Variants in KATNIP observed in about 807,000 individuals in gnomAD.
KATNIP encodes the protein katanin-interacting protein.
In KATNIP, 126 loss-of-function variants were observed where a neutral mutation model predicts 174.0. That is an observed-to-expected ratio of 0.72 (90% CI 0.63 to 0.84). The LOEUF (loss-of-function observed/expected upper bound fraction) is 0.84. Ranked by LOEUF, KATNIP falls within the 40% of genes least tolerant of loss-of-function variation. KATNIP has a pLI of 0.00. For synonymous variants in KATNIP, 810 were observed against 835.7 expected, an observed-to-expected ratio of 0.97 and a Z score of 0.53; for missense variants, 1,958 against 2,109.7, an observed-to-expected ratio of 0.93 and a Z score of 1.41.
At chr16:27,702,157 T>A (rs1163364508) in intron 11 of KATNIP, among the ~76,000 whole-genome samples, 1 of 152,200 alleles carries the variant, frequency 6.6e-6, no homozygotes, top group African/African-American at 2.4e-5. Flanking sequence ...TTGACTTGAT[T>A]TCTTTTAGGC....
intron 18 of KATNIP, chr16:27,755,483 G>C (rs2081686811): frequency 6.6e-6 from 1 of 152,322 alleles, no homozygotes; most frequent in Non-Finnish European, 1.5e-5. Flanking sequence ...CCACTTCAAG[G>C]CCTCAGCCTG....
intron 5 of KATNIP, among the ~76,000 whole-genome samples, chr16:27,635,703 C>T (rs2076613908): frequency 6.6e-6 from 1 of 152,036 alleles, no homozygotes; most frequent in African/African-American, 2.4e-5. Context: ...TGACACCTGA[C>T]TTCAAATACA....
intron 7 of KATNIP, among the ~76,000 whole-genome samples, chr16:27,678,568 A>G (rs2078209715): frequency 6.6e-6 from 1 of 152,196 alleles, no homozygotes; most frequent in Admixed American, 6.5e-5. Context: ...TAAATAAGAC[A>G]CTGACTTTGC....
At chr16:27,656,584 A>G (rs1370195094) in intron 6 of KATNIP, among the ~76,000 whole-genome samples, 1 of 151,670 alleles carries the variant, frequency 6.6e-6, no homozygotes, top group Non-Finnish European at 1.5e-5. Context: ...TGTGGCACAT[A>G]TACACCATGG....
intron 2 of KATNIP, among the ~76,000 whole-genome samples, chr16:27,603,776 G>A (rs772569535): frequency 6.3e-5 from 9 of 143,668 alleles, no homozygotes; most frequent in African/African-American, 1.0e-4. Flanking sequence ...TCCCTCTGTC[G>A]CCTAGGCTGG....
intron 20 of KATNIP, among the ~76,000 whole-genome samples, 176 bp downstream of exon 20, chr16:27,766,650 G>C (rs2082136191): frequency 6.6e-6 from 1 of 152,216 alleles, no homozygotes; most frequent in East Asian, 1.9e-4. Flanking sequence ...AATGGCAAAT[G>C]CAGGCTAAAG....
Position 27,749,591 on chromosome 16 carries a change from C to G in KATNIP, c.2631C>G (p.Thr877=), listed in dbSNP as rs778415617. The G allele has an allele frequency of 6.5e-7, 1 of 1,529,176 alleles. No homozygotes were observed. Among genetic ancestry groups the G allele is most frequent in the South Asian group, 1.3e-5 (1 of 76,426 alleles). 94.7% of individuals were successfully genotyped at this position (1,529,176 alleles called of 1,614,324 possible). ...TTGTGTCCTTTCTTCCAGAAGACACCTGGTCTTCCAGGACGCCGTCACGGT... is the reference window on the plus strand; with the variant it reads ...TTGTGTCCTTTCTTCCAGAAGACACGTGGTCTTCCAGGACGCCGTCACGGT... ...GDDQPASRED[T]WSSRTPSRSR... is the part of the protein sequence containing the mutation. Residue 877 remains threonine, a synonymous_variant, in exon 16 of 28, where the codon ACC becomes ACG. Coordinates refer to ENST00000261588, the MANE Select transcript of KATNIP (RefSeq NM_015202.5).
At chr16:27,568,670 G>A (rs1313617967) in intron 1 of KATNIP, among the ~76,000 whole-genome samples, 1 of 152,044 alleles carries the variant, frequency 6.6e-6, no homozygotes, top group Non-Finnish European at 1.5e-5. Flanking sequence ...TCACCCTGTT[G>A]GCCAGGATGG....
At chr16:27,655,979 A>G (rs1435956707) in intron 6 of KATNIP, among the ~76,000 whole-genome samples, 1 of 152,198 alleles carries the variant, frequency 6.6e-6, no homozygotes, top group African/African-American at 2.4e-5. Context: ...AATGATAGAG[A>G]GAACTCTCCT....
intron 13 of KATNIP, among the ~76,000 whole-genome samples, chr16:27,720,825 C>T (rs565866964): frequency 6.4e-4 from 97 of 152,322 alleles, no homozygotes; most frequent in African/African-American, 2.3e-3. Flanking sequence ...TTTTGTCCCA[C>T]TGGAGAGTGA....
At chr16:27,599,385 T>C (rs1214298801) in intron 2 of KATNIP, among the ~76,000 whole-genome samples, 3 of 152,100 alleles carry the variant, frequency 2.0e-5, no homozygotes, top group Non-Finnish European at 4.4e-5. Flanking sequence ...TGAGTGGCTA[T>C]TGAGATGGGG....
rs192431086 is a variant in KATNIP, at chr16:27,670,489, C to T, written c.541-7240C>T. On this transcript the variant is annotated intron_variant, in intron 6 of 27. Coordinates refer to ENST00000261588, the MANE Select transcript of KATNIP (RefSeq NM_015202.5). ...TTTTCTGAGAAGAGCTCATGAATGC[C>T]GTCTGTATTCCCTGGGTTTCTGGCT... is the stretch of plus-strand genomic sequence containing the variant. 1.6e-4 allele frequency among the ~76,000 whole-genome samples: 24 copies of T among 152,290 alleles called. No individual in the cohort carries two copies. In the East Asian group the frequency reaches 2.9e-3, roughly 18 times the overall value.
intron 13 of KATNIP, among the ~76,000 whole-genome samples, chr16:27,716,769 T>C (rs2079958076): frequency 6.6e-6 from 1 of 152,138 alleles, no homozygotes. Context: ...GTCCTGACAA[T>C]GGAAACCACT....
At chr16:27,752,065 G>T in intron 17 of KATNIP, 141 bp downstream of exon 17, 2 of 549,166 alleles carry the variant, frequency 3.6e-6, no homozygotes, top group East Asian at 3.1e-5. Flanking sequence ...TTTCTACTTT[G>T]TTTTTTTGTC....
chr16:27,582,485 T>C (rs1263389663), intron 2 of KATNIP, among the ~76,000 whole-genome samples: 1 of 152,234 alleles, frequency 6.6e-6, no homozygotes, highest in African/African-American at 2.4e-5. Context: ...GTCTTTCTGC[T>C]TCTTGAGGTC....
chr16:27,564,977 C>G (rs1567440644), intron 1 of KATNIP, among the ~76,000 whole-genome samples: 1 of 151,694 alleles, frequency 6.6e-6, no homozygotes, highest in Non-Finnish European at 1.5e-5. Flanking sequence ...GTTAGCCAAG[C>G]TGGTCTCAAC....
At chr16:27,775,193 A>C in intron 24 of KATNIP, 109 bp downstream of exon 24, 7 of 1,332,490 alleles carry the variant, frequency 5.3e-6, no homozygotes, top group South Asian at 1.3e-5. Flanking sequence ...GTTAATCTCA[A>C]GCCAAGATGC....
intron 2 of KATNIP, among the ~76,000 whole-genome samples, chr16:27,605,581 C>T (rs974120965): frequency 2.0e-5 from 3 of 152,100 alleles, no homozygotes; most frequent in African/African-American, 7.2e-5. Context: ...ATAGCCCAAA[C>T]GCTCCCTTTG....
chr16:27,650,955 G>A (rs148109378), intron 6 of KATNIP, among the ~76,000 whole-genome samples: 56 of 152,234 alleles, frequency 3.7e-4, no homozygotes, highest in Admixed American at 4.6e-4. Flanking sequence ...CCCTGCTCAG[G>A]ATCAGTCTGT....
Sources: gnomAD v4.1 joint callset for allele counts (sites outside exome capture counted in the v4.1 genomes callset) on GRCh38, gnomAD v4.1.1 for gene constraint, MANE v1.5 for transcripts, NCBI Gene and HGNC (gene_info 2026-07-23, HGNC 2026-07-21) for gene names.